FUT8: variants seen among roughly 807,000 people sequenced by gnomAD.
The protein encoded by FUT8 is alpha-(1,6)-fucosyltransferase.
FUT8 carries 29 observed loss-of-function variants against 71.3 expected under a neutral mutation model. The ratio of observed to expected loss-of-function variants is 0.41; its 90% CI spans 0.30 to 0.55. FUT8 has a LOEUF of 0.55. Among genes scored for constraint, FUT8 ranks in the 20% least tolerant of loss-of-function variants. The pLI is 0.34. For missense variants in FUT8, 544 were observed against 702.1 expected, an observed-to-expected ratio of 0.77 and a Z score of 2.55; for synonymous variants, 254 against 239.3, an observed-to-expected ratio of 1.06 and a Z score of -0.57.
At chr14:65,679,349 A>C (rs1566891908) in intron 7 of FUT8, among the ~76,000 whole-genome samples, 1 of 152,242 alleles carries the variant, frequency 6.6e-6, no homozygotes, top group Non-Finnish European at 1.5e-5. Context: ...TAGAATCTAT[A>C]CAGCAATCTT....
intron 10 of FUT8, among the ~76,000 whole-genome samples, chr14:65,735,017 G>T (rs939194651): frequency 6.6e-6 from 1 of 152,096 alleles, no homozygotes; most frequent in African/African-American, 2.4e-5. Context: ...GAGCAAAATT[G>T]CCCTGGTTGA....
upstream of FUT8, among the ~76,000 whole-genome samples, chr14:65,406,190 A>G (rs1451592783): frequency 2.0e-5 from 3 of 152,260 alleles, no homozygotes; most frequent in Non-Finnish European, 4.4e-5. Flanking sequence ...ATAGGGCTGC[A>G]ATGTATACAA....
intron 7 of FUT8, among the ~76,000 whole-genome samples, chr14:65,708,280 G>A (rs1894653511): frequency 6.6e-6 from 1 of 152,180 alleles, no homozygotes. Flanking sequence ...TGTAGAAGGT[G>A]CCTTACTTTC....
chr14:65,538,510 T>C (rs1884480305), intron 2 of FUT8, among the ~76,000 whole-genome samples: 1 of 152,114 alleles, frequency 6.6e-6, no homozygotes, highest in South Asian at 2.1e-4. Flanking sequence ...TGGTCGACCA[T>C]CTATGGCTCC....
chr14:65,741,499 T>G (rs1369761362), intron 10 of FUT8, among the ~76,000 whole-genome samples: 1 of 151,978 alleles, frequency 6.6e-6, no homozygotes, highest in East Asian at 1.9e-4. Flanking sequence ...CACACCAACA[T>G]GGCACATGTA....
chr14:65,392,089 C>T, the FUT8 span, among the ~76,000 whole-genome samples: 1,045 of 151,760 alleles, frequency 6.9e-3, 16 homozygotes, highest in African/African-American at 0.022. Flanking sequence ...TGTGCCACCA[C>T]GCCTGACTAA....
At chr14:65,642,327 G>A (rs1436135152) in intron 6 of FUT8, among the ~76,000 whole-genome samples, 2 of 152,092 alleles carry the variant, frequency 1.3e-5, no homozygotes, top group Non-Finnish European at 2.9e-5. Flanking sequence ...TGACTGCTGG[G>A]CGCAGTGGCT....
At position 65,627,694 on chromosome 14, in the gene FUT8, A is replaced by G. The variant is rs1889967402; in HGVS notation, c.483-1798A>G. On this transcript the variant is annotated intron_variant, in intron 5 of 10. Transcript: ENST00000673929. This position sits in a 1 kb window ranked among gnomAD's most constrained non-coding sequence, Gnocchi z 4.0. ...AGTTGAGTGTTCCTAGAGGAAGGTC[A>G]TATAACAGTTAAAGTCTGCCATTTT... is the stretch of plus-strand genomic sequence containing the variant. Among the ~76,000 whole-genome samples, 1 of 152,220 alleles carries G rather than the reference A, an allele frequency of 6.6e-6. No individual in the cohort carries two copies.
chr14:65,559,809 A>G (rs1366580663), intron 2 of FUT8, among the ~76,000 whole-genome samples: 2 of 152,078 alleles, frequency 1.3e-5, no homozygotes, highest in African/African-American at 4.8e-5. Context: ...GGGGATTGAG[A>G]AAGAGTTTTA....
At chr14:65,444,827 A>C (rs956719726) in intron 1 of FUT8, among the ~76,000 whole-genome samples, 2 of 152,180 alleles carry the variant, frequency 1.3e-5, no homozygotes, top group Non-Finnish European at 2.9e-5. Flanking sequence ...TCACCAATGC[A>C]ACAGTGTTGG....
chr14:65,671,837 G>A (rs993666733), intron 7 of FUT8, among the ~76,000 whole-genome samples: 26 of 152,096 alleles, frequency 1.7e-4, no homozygotes, highest in Admixed American at 6.5e-4. Flanking sequence ...CCAAGAATTA[G>A]AGGAAATAGT....
intron 1 of FUT8, among the ~76,000 whole-genome samples, chr14:65,447,585 A>G (rs1281825537): frequency 1.3e-5 from 2 of 151,992 alleles, no homozygotes; most frequent in Non-Finnish European, 2.9e-5. Context: ...TTTCAAATAC[A>G]TACATTTTTT....
At chr14:65,634,566 A>G (rs77688963) in intron 6 of FUT8, among the ~76,000 whole-genome samples, 2 of 150,680 alleles carry the variant, frequency 1.3e-5, no homozygotes, top group Non-Finnish European at 3.0e-5. Flanking sequence ...TCAATTAAAA[A>G]AAAAAAAAAA....
chr14:65,541,196 T>C (rs913884455), intron 2 of FUT8, among the ~76,000 whole-genome samples: 1 of 152,194 alleles, frequency 6.6e-6, no homozygotes, highest in Non-Finnish European at 1.5e-5. Context: ...TTACAACAAA[T>C]GTTGATATTC....
At chr14:65,435,368 T>A (rs1336166469) in intron 1 of FUT8, among the ~76,000 whole-genome samples, 1 of 152,254 alleles carries the variant, frequency 6.6e-6, no homozygotes, top group Non-Finnish European at 1.5e-5. Flanking sequence ...TGTAGTTATA[T>A]AGACTTTTGG....
intron 2 of FUT8, among the ~76,000 whole-genome samples, chr14:65,494,889 T>C (rs1452682340): frequency 6.6e-6 from 1 of 152,104 alleles, no homozygotes; most frequent in Non-Finnish European, 1.5e-5. Context: ...ATGTTTAGGT[T>C]TCTGCTGATT....
At chr14:65,676,451 T>C (rs1892721532) in intron 7 of FUT8, among the ~76,000 whole-genome samples, 1 of 152,220 alleles carries the variant, frequency 6.6e-6, no homozygotes, top group African/African-American at 2.4e-5. Context: ...AATACTGATA[T>C]ACCTATTATG....
intron 3 of FUT8, among the ~76,000 whole-genome samples, chr14:65,585,587 A>C (rs1222845704): frequency 2.0e-5 from 3 of 152,226 alleles, no homozygotes; most frequent in South Asian, 4.1e-4. Context: ...AAAAGTATGG[A>C]TATTTTAAGC....
chr14:65,496,037 G>GA (rs1208391356), intron 2 of FUT8, among the ~76,000 whole-genome samples: 2 of 151,976 alleles, frequency 1.3e-5, no homozygotes, highest in South Asian at 2.1e-4. Flanking sequence ...AATTTAAGTA[G>GA]AAAAAAATCA....
Sources: allele counts gnomAD v4.1 joint callset (sites outside exome capture counted in the v4.1 genomes callset), GRCh38; gene constraint gnomAD v4.1.1; non-coding constraint Gnocchi (gnomAD v3.1); transcripts MANE v1.5; gene names NCBI Gene and HGNC (gene_info 2026-07-23, HGNC 2026-07-21).